AOPEP: variants seen among roughly 807,000 people sequenced by gnomAD.
AOPEP encodes aminopeptidase O (putative), also known as aminopeptidase O.
AOPEP carries 77 observed loss-of-function variants against 98.1 expected under a neutral mutation model. The observed-to-expected ratio is 0.78, with a 90% CI of 0.65 to 0.95. The LOEUF (loss-of-function observed/expected upper bound fraction) is 0.95, where lower values mean the gene tolerates loss of function less well. AOPEP is among the 40% of genes least tolerant of loss of function. The pLI is 0.00. For synonymous variants in AOPEP, 346 were observed against 365.3 expected, an observed-to-expected ratio of 0.95 and a Z score of 0.60; for missense variants, 1,024 against 1,024.7, an observed-to-expected ratio of 1.00 and a Z score of 0.01.
intron 5 of AOPEP, among the ~76,000 whole-genome samples, chr9:94,882,744 C>T (rs879331844): frequency 1.3e-5 from 2 of 152,230 alleles, no homozygotes; most frequent in Non-Finnish European, 1.5e-5. Flanking sequence ...CCATTGCATT[C>T]CAGCCTGGGC....
At chr9:95,085,936 C>T (rs2070620422) in intron 16 of AOPEP, 1 of 1,302,956 alleles carries the variant, frequency 7.7e-7, no homozygotes, top group Non-Finnish European at 1.0e-6. Flanking sequence ...GCAGTCCAGG[C>T]CTTCGCGTCT....
At chr9:94,739,652 A>C (rs930817618) in intron 1 of AOPEP, among the ~76,000 whole-genome samples, 14 of 152,110 alleles carry the variant, frequency 9.2e-5, no homozygotes, top group Non-Finnish European at 1.3e-4. Flanking sequence ...CTCAAAAAAA[A>C]AAAAAAAAAG....
chr9:95,110,921 CCAA>C, the AOPEP span: 3 of 1,319,644 alleles, frequency 2.3e-6, no homozygotes, highest in Non-Finnish European at 2.9e-6. Context: ...TAGGAAATGA[CCAA>C]CTTCTTTTTC....
At chr9:94,735,759 A>AT (rs1831611528) in intron 1 of AOPEP, among the ~76,000 whole-genome samples, 1 of 152,116 alleles carries the variant, frequency 6.6e-6, no homozygotes, top group Non-Finnish European at 1.5e-5. Context: ...AACCATCACC[A>AT]CTGTATAATT....
At chr9:94,989,891 G>C (rs1263193618) in intron 11 of AOPEP, among the ~76,000 whole-genome samples, 2 of 152,186 alleles carry the variant, frequency 1.3e-5, no homozygotes, top group Non-Finnish European at 2.9e-5. Context: ...TTACAGGCAT[G>C]AGCCACTGCG....
intron 5 of AOPEP, among the ~76,000 whole-genome samples, chr9:94,864,226 A>C (rs939717988): frequency 5.3e-5 from 8 of 152,236 alleles, no homozygotes; most frequent in African/African-American, 1.7e-4. Context: ...ACAATTCAGC[A>C]TGGGGAGACA....
At chr9:94,916,318 AG>A (rs2052788299) in intron 5 of AOPEP, among the ~76,000 whole-genome samples, 3 of 152,266 alleles carry the variant, frequency 2.0e-5, no homozygotes, top group Non-Finnish European at 1.5e-5. Context: ...GACATGTTTT[AG>A]TTGGTTACTC....
chr9:94,935,658 C>G (rs895971203), intron 7 of AOPEP, among the ~76,000 whole-genome samples: 1 of 152,202 alleles, frequency 6.6e-6, no homozygotes, highest in Non-Finnish European at 1.5e-5. Context: ...CCCAGGGCCA[C>G]CCTCTGACGA....
intron 16 of AOPEP, among the ~76,000 whole-genome samples, chr9:95,083,674 G>GGCACACACA (rs746064031): frequency 7.0e-6 from 1 of 142,630 alleles, no homozygotes; most frequent in African/African-American, 2.6e-5. Context: ...GAGCACCTGC[G>GGCACACACA]GCACACACAG....
chr9:95,130,687 C>T, the AOPEP span, among the ~76,000 whole-genome samples: 8 of 152,278 alleles, frequency 5.3e-5, no homozygotes, highest in South Asian at 2.1e-4. Context: ...CCCGTCCCAC[C>T]GTGTAGCTGT....
At chr9:95,062,553 C>T (rs982831218) in intron 14 of AOPEP, among the ~76,000 whole-genome samples, 3 of 152,202 alleles carry the variant, frequency 2.0e-5, no homozygotes, top group Non-Finnish European at 2.9e-5. Context: ...CCCGGTCTGT[C>T]CCTCCCTCTT....
intron 11 of AOPEP, among the ~76,000 whole-genome samples, chr9:94,998,846 C>T (rs1446954501): frequency 6.6e-6 from 1 of 152,228 alleles, no homozygotes; most frequent in Non-Finnish European, 1.5e-5. Context: ...AAGCCCCTTT[C>T]TTCTGGTTTT....
At chr9:95,063,850 G>GGTGCTCGT (rs1401720949) in intron 14 of AOPEP, among the ~76,000 whole-genome samples, 1 of 152,006 alleles carries the variant, frequency 6.6e-6, no homozygotes, top group East Asian at 1.9e-4. Flanking sequence ...CCTGGCCCCA[G>GGTGCTCGT]GTGCTCGTGT....
At chr9:95,064,363 T>A (rs2067644949) in intron 14 of AOPEP, among the ~76,000 whole-genome samples, 1 of 152,234 alleles carries the variant, frequency 6.6e-6, no homozygotes, top group Admixed American at 6.5e-5. Flanking sequence ...GGCACGATCT[T>A]GGCTCACTGC....
chr9:95,076,677 G>A (rs1463312888), intron 14 of AOPEP, among the ~76,000 whole-genome samples: 8 of 152,240 alleles, frequency 5.3e-5, no homozygotes, highest in Admixed American at 5.2e-4. Context: ...TACATTGTGT[G>A]TGTGTAAAAC....
chr9:94,744,626 A>C (rs1834019656), intron 1 of AOPEP, among the ~76,000 whole-genome samples: 1 of 147,372 alleles, frequency 6.8e-6, no homozygotes, highest in African/African-American at 2.5e-5. Flanking sequence ...ACTTCAACCC[A>C]GGAGACGGAG....
chr9:95,101,135 T>C, the AOPEP span: 1 of 241,864 alleles, frequency 4.1e-6, no homozygotes, highest in Non-Finnish European at 8.2e-6. Flanking sequence ...AGGCCCGGGC[T>C]TGGGTGTGCT....
In AOPEP at chr9:94,930,763, C is replaced by G. The variant is rs1038489798; in HGVS notation, c.1661+2232C>G. On this transcript the variant is annotated intron_variant, in intron 7 of 16. Coordinates refer to ENST00000375315, the MANE Select transcript of AOPEP (RefSeq NM_001193329.3). This position sits in a 1 kb window ranked among gnomAD's most constrained non-coding sequence, Gnocchi z 4.5. ...CTACATGGGTGATGGAGAAGGAAGT[C>G]AGGCTGAAGTGGACAGGAGCATGGA... is the stretch of plus-strand genomic sequence containing the variant. Among the ~76,000 whole-genome samples the G allele has an allele frequency of 5.3e-5, 8 of 152,044 alleles. No individual in the cohort carries two copies. Among genetic ancestry groups the G allele is most frequent in the Non-Finnish European group, 8.8e-5 (6 of 67,998 alleles).
At chr9:94,770,483 C>T (rs1367554225) in intron 2 of AOPEP, among the ~76,000 whole-genome samples, 1 of 152,130 alleles carries the variant, frequency 6.6e-6, no homozygotes, top group Non-Finnish European at 1.5e-5. Flanking sequence ...TCAAGGTGTG[C>T]CAGGAGCTGG....
Sources: gnomAD v4.1 joint callset for allele counts (sites outside exome capture counted in the v4.1 genomes callset) on GRCh38, gnomAD v4.1.1 for gene constraint, Gnocchi (gnomAD v3.1) non-coding constraint, MANE v1.5 for transcripts, NCBI Gene and HGNC (gene_info 2026-07-23, HGNC 2026-07-21) for gene names.